MGA: variants seen among roughly 807,000 people sequenced by gnomAD.
The protein encoded by MGA is MAX dimerization protein MGA.
A neutral mutation model predicts 261.1 loss-of-function variants in MGA; 40 were observed. The ratio of observed to expected loss-of-function variants is 0.15; its 90% confidence interval spans 0.12 to 0.20. MGA has a LOEUF of 0.20. MGA is among the 10% of genes least tolerant of loss of function. The pLI is 1.00. For synonymous variants in MGA, 1,302 were observed against 1,290.6 expected, an observed-to-expected ratio of 1.01 and a Z score of -0.19; for missense variants, 3,397 against 3,630.5, an observed-to-expected ratio of 0.94 and a Z score of 1.65.
Position 41,696,338 on chromosome 15 carries a change from C to T in MGA, c.1328C>T (p.Ser443Phe). The T allele has an allele frequency of 1.9e-6, 3 of 1,613,936 alleles. No individual in the cohort carries two copies. Among genetic ancestry groups the T allele is most frequent in the East Asian group, 2.2e-5 (1 of 44,886 alleles). ...AACCCAGAAGCTGACCATCTATCTT[C>T]TAAATGGCTTCCAAGCAGCCCATCA... The change falls in exon 3 of 24, where the codon TCT becomes TTT. Residue 443 changes from serine (S) to phenylalanine (F), a missense_variant. Physicochemically the swap from Ser to Phe is radical, Grantham distance 155. Around this residue, in one of 9 missense-constraint regions of MGA, gnomAD observed 563 missense variants for 563.6 expected, o/e 1.00. Transcript: ENST00000219905.
chr15:41,762,949 T>C (rs542394284), intron 22 of MGA, among the ~76,000 whole-genome samples: 3 of 152,150 alleles, frequency 2.0e-5, no homozygotes, highest in East Asian at 1.9e-4. Flanking sequence ...TTTAAACTTA[T>C]CTTTTCAGAC....
chr15:41,671,485 G>A (rs930811337), intron 2 of MGA, among the ~76,000 whole-genome samples: 17 of 151,942 alleles, frequency 1.1e-4, no homozygotes, highest in African/African-American at 2.9e-4. Flanking sequence ...CACCATGCCC[G>A]GCTAAATTTT....
intron 11 of MGA, among the ~76,000 whole-genome samples, chr15:41,733,428 AAAT>A (rs2061612624): frequency 6.6e-6 from 1 of 152,198 alleles, no homozygotes; most frequent in African/African-American, 2.4e-5. Context: ...CAGATAATTT[AAAT>A]AATAAGTTCT....
intron 11 of MGA, among the ~76,000 whole-genome samples, chr15:41,733,286 C>G (rs1433327008): frequency 6.6e-6 from 1 of 151,710 alleles, no homozygotes; most frequent in Admixed American, 6.6e-5. Context: ...CTTGCTTTCA[C>G]TTAAAAAAAA....
chr15:41,761,866 A>T lies in MGA; in HGVS notation c.7510+16A>T. On this transcript the variant is annotated intron_variant, in intron 21 of 23. Transcript: ENST00000219905. Reference sequence around the variant, plus strand: ...TCTCTTTCAGGTGAGATAAGTAAATAATCTCTGGTAAAGAGCATAATTATA... The same window carrying T: ...TCTCTTTCAGGTGAGATAAGTAAATTATCTCTGGTAAAGAGCATAATTATA... 1 of 1,472,342 alleles carries T rather than the reference A, an allele frequency of 6.8e-7. No individual in the cohort carries two copies. Among genetic ancestry groups the T allele is most frequent in the Non-Finnish European group, 9.3e-7 (1 of 1,074,172 alleles). The allele number at this position is 1,472,342 out of a possible 1,614,324, so 91.2% of individuals were successfully genotyped here.
At position 41,749,162 on chromosome 15, in the gene MGA, C is replaced by G; in HGVS notation, c.5555C>G (p.Pro1852Arg). 1 of 1,613,986 alleles carries G rather than the reference C, an allele frequency of 6.2e-7. No individual in the cohort carries two copies. Among genetic ancestry groups the G allele is most frequent in the South Asian group, 1.1e-5 (1 of 91,076 alleles). Residue 1852 changes from proline to arginine, a missense_variant, in exon 17 of 24, where the codon CCG becomes CGG. Coordinates refer to ENST00000219905, the MANE Select transcript of MGA (RefSeq NM_001164273.2). ...GCTCCTTCCAAACCCTCTGAGACTC[C>G]GCCATCTTCCACTTCGTCCTCTGCT...
intron 2 of MGA, among the ~76,000 whole-genome samples, chr15:41,672,800 TC>T (rs2150989529): frequency 6.6e-6 from 1 of 152,222 alleles, no homozygotes; most frequent in South Asian, 2.1e-4. Context: ...TACTATCTGT[TC>T]CTTTACAGGA....
chr15:41,710,171 A>G (rs1296126857), intron 7 of MGA, among the ~76,000 whole-genome samples: 2 of 152,164 alleles, frequency 1.3e-5, no homozygotes, highest in East Asian at 3.9e-4. Context: ...TAATCAGGTC[A>G]AAGATTGTCA....
intron 15 of MGA, among the ~76,000 whole-genome samples, chr15:41,745,281 T>TAAAAAAAAA (rs71108126): frequency 3.0e-5 from 1 of 33,238 alleles, no homozygotes; most frequent in Non-Finnish European, 6.7e-5. Flanking sequence ...GAATGATCAA[T>TAAAAAAAAA]AAAAAAAAAA....
intron 2 of MGA, among the ~76,000 whole-genome samples, chr15:41,673,213 T>C (rs1393075613): frequency 6.6e-6 from 1 of 152,050 alleles, no homozygotes; most frequent in East Asian, 1.9e-4. Flanking sequence ...TAGTTTTTCT[T>C]TCTTTCTTTT....
intron 1 of MGA, among the ~76,000 whole-genome samples, chr15:41,634,397 T>C (rs1223647503): frequency 1.3e-5 from 2 of 152,226 alleles, no homozygotes; most frequent in South Asian, 2.1e-4. Context: ...ATGATTTGCA[T>C]AGGGTCACAT....
At chr15:41,694,206 A>G (rs2059431810) in intron 2 of MGA, among the ~76,000 whole-genome samples, 1 of 152,002 alleles carries the variant, frequency 6.6e-6, no homozygotes. Context: ...TCACGAGGTT[A>G]GGAGTTCGAG....
At chr15:41,667,215 A>C (rs570329988) in intron 1 of MGA, among the ~76,000 whole-genome samples, 1 of 151,982 alleles carries the variant, frequency 6.6e-6, no homozygotes, top group South Asian at 2.1e-4. Flanking sequence ...GATTTGTAGG[A>C]AGCCTTTAAA....
intron 1 of MGA, among the ~76,000 whole-genome samples, chr15:41,655,178 CTTTTT>C (rs35648576): frequency 7.7e-6 from 1 of 129,634 alleles, no homozygotes; most frequent in African/African-American, 2.9e-5. Context: ...TTTTAATTTA[CTTTTT>C]TTTTTTTTTT....
At chr15:41,756,398 G>C (rs2063151535) in intron 18 of MGA, among the ~76,000 whole-genome samples, 2 of 152,200 alleles carry the variant, frequency 1.3e-5, no homozygotes, top group Admixed American at 1.3e-4. Flanking sequence ...GACTTCAAAA[G>C]TGGAGATTTC....
intron 14 of MGA, 112 bp downstream of exon 14, chr15:41,740,315 T>A (rs2062020769): frequency 8.4e-7 from 1 of 1,188,436 alleles, no homozygotes; most frequent in African/African-American, 1.5e-5. Context: ...GGCATTATTC[T>A]TATTCTTGTT....
chr15:41,717,241 A>G (rs1253193223), intron 9 of MGA, among the ~76,000 whole-genome samples: 2 of 152,198 alleles, frequency 1.3e-5, no homozygotes, highest in African/African-American at 2.4e-5. Context: ...GGTTTGTCAA[A>G]AAATACTGCT....
chr15:41,748,586 C>T lies in MGA; in HGVS notation c.5213-51C>T, dbSNP rs189662332. The T allele has an allele frequency of 5.1e-5, 79 of 1,551,164 alleles. 1 individual carries two copies. Among genetic ancestry groups the T allele is most frequent in the African/African-American group, 4.0e-4 (29 of 72,626 alleles). On this transcript the variant is annotated intron_variant, in intron 15 of 23. Coordinates refer to ENST00000219905, the MANE Select transcript of MGA (RefSeq NM_001164273.2). ...ATATTATGAATACTTTTTTTTCCTA[C>T]GTGTGTTAAAGGGGAATTTGGGTAC... is the stretch of plus-strand genomic sequence containing the variant.
At chr15:41,670,889 G>A (rs2058023596) in intron 2 of MGA, among the ~76,000 whole-genome samples, 1 of 144,708 alleles carries the variant, frequency 6.9e-6, no homozygotes, top group Non-Finnish European at 1.5e-5. Flanking sequence ...CCCTCAGGCA[G>A]TAAATTCACA....
Sources: gnomAD v4.1 joint callset for allele counts (sites outside exome capture counted in the v4.1 genomes callset) on GRCh38, gnomAD v4.1.1 for gene constraint, gnomAD v4.1.1 regional missense constraint, MANE v1.5 for transcripts, NCBI Gene and HGNC (gene_info 2026-07-23, HGNC 2026-07-21) for gene names.